ASIC2: variants seen among roughly 807,000 people sequenced by gnomAD.
ASIC2 encodes the protein acid sensing ion channel subunit 2.
A neutral mutation model predicts 57.3 loss-of-function variants in ASIC2; 25 were observed. The observed-to-expected ratio is 0.44, with a 90% CI of 0.32 to 0.61. ASIC2 has a LOEUF of 0.61. Ranked by LOEUF, ASIC2 falls within the 20% of genes least tolerant of loss-of-function variation. ASIC2 has a pLI of 0.06. For synonymous variants in ASIC2, 319 were observed against 307.5 expected (o/e 1.04, Z -0.39); for missense variants, 641 against 738.1 (o/e 0.87, Z 1.52).
chr17:33,678,255 A>ATT (rs1460107253), intron 1 of ASIC2, among the ~76,000 whole-genome samples: 1 of 152,158 alleles, frequency 6.6e-6, no homozygotes, highest in East Asian at 1.9e-4. Context: ...TGTAAATGCA[A>ATT]TTTTTATATA....
At chr17:33,266,224 A>C (rs976479273) in intron 1 of ASIC2, among the ~76,000 whole-genome samples, 2 of 152,122 alleles carry the variant, frequency 1.3e-5, no homozygotes, top group African/African-American at 4.8e-5. Context: ...TATACAACAC[A>C]CATGTGTTTT....
chr17:34,005,624 C>T (rs1480233312), intron 1 of ASIC2: 1 of 152,264 alleles, frequency 6.6e-6, no homozygotes, highest in African/African-American at 2.4e-5. Flanking sequence ...GGCCACCATT[C>T]ATATAGATCC....
At chr17:33,718,198 A>G (rs750624861) in intron 1 of ASIC2, among the ~76,000 whole-genome samples, 6 of 152,166 alleles carry the variant, frequency 3.9e-5, no homozygotes, top group Non-Finnish European at 5.9e-5. Context: ...CCCTAATACA[A>G]TGTAAATGCT....
At chr17:33,468,563 C>T (rs2141917602) in intron 1 of ASIC2, among the ~76,000 whole-genome samples, 1 of 152,108 alleles carries the variant, frequency 6.6e-6, no homozygotes, top group South Asian at 2.1e-4. Flanking sequence ...TTTCATGATA[C>T]TTTTTTTCCA....
intron 1 of ASIC2, among the ~76,000 whole-genome samples, chr17:33,143,041 G>T (rs975441799): frequency 7.2e-5 from 11 of 152,174 alleles, no homozygotes; most frequent in Non-Finnish European, 1.5e-4. Context: ...AAGAAAACAT[G>T]GGTCCCAGGG....
intron 1 of ASIC2, among the ~76,000 whole-genome samples, chr17:34,130,967 G>A (rs1366420652): frequency 2.0e-5 from 3 of 152,250 alleles, no homozygotes; most frequent in Middle Eastern, 3.4e-3. Flanking sequence ...GGGAGAGATC[G>A]AGAAAGCCTT....
chr17:33,607,113 G>A (rs949397857), intron 1 of ASIC2, among the ~76,000 whole-genome samples: 1 of 152,090 alleles, frequency 6.6e-6, no homozygotes, highest in Non-Finnish European at 1.5e-5. Flanking sequence ...ACTCCTGATC[G>A]GGAGGAGCAT....
chr17:33,036,512 C>A (rs2091909130), intron 3 of ASIC2, among the ~76,000 whole-genome samples: 1 of 152,112 alleles, frequency 6.6e-6, no homozygotes, highest in South Asian at 2.1e-4. Context: ...CTCACTGCAA[C>A]CTTGAACTCC....
intron 1 of ASIC2, among the ~76,000 whole-genome samples, chr17:34,099,966 G>C (rs1910800235): frequency 6.6e-6 from 1 of 152,042 alleles, no homozygotes; most frequent in African/African-American, 2.4e-5. Context: ...GGAAAGCAAA[G>C]GGAATTCCCA....
At chr17:33,866,004 C>T (rs1567739227) in intron 1 of ASIC2, among the ~76,000 whole-genome samples, 1 of 152,098 alleles carries the variant, frequency 6.6e-6, no homozygotes, top group Non-Finnish European at 1.5e-5. Context: ...TATAATGAAT[C>T]ATACACTGTA....
chr17:34,063,918 T>G (rs751549676), intron 1 of ASIC2, among the ~76,000 whole-genome samples: 8 of 151,978 alleles, frequency 5.3e-5, no homozygotes, highest in Non-Finnish European at 1.2e-4. Flanking sequence ...CATGGATGGG[T>G]AGAATCAATA....
At chr17:33,505,277 C>T (rs1012841996) in intron 1 of ASIC2, among the ~76,000 whole-genome samples, 1 of 151,952 alleles carries the variant, frequency 6.6e-6, no homozygotes, top group African/African-American at 2.4e-5. Context: ...GGCAAGAGTC[C>T]AGTGCTCTGG....
rs1597858883 is a variant in ASIC2, at chr17:33,744,878, A to T, written c.555+411100T>A. On this transcript the variant is annotated intron_variant, in intron 1 of 9. Coordinates refer to the ASIC2 transcript ENST00000359872. ...ATTATAAAAAAAGAAACAAGTGGAA[A>T]TTCTGGAGTTGAAAACCAAATCAAC... Among the ~76,000 whole-genome samples the T allele has an allele frequency of 2.6e-5, 4 of 152,368 alleles. 1 individual carries two copies. The highest frequency in any genetic ancestry group is 9.6e-5 in the African/African-American group (4 of 41,588).
intron 1 of ASIC2, among the ~76,000 whole-genome samples, chr17:34,050,082 T>G (rs972050694): frequency 2.6e-5 from 4 of 152,202 alleles, no homozygotes; most frequent in African/African-American, 9.7e-5. Context: ...AACAATATTA[T>G]ACTCTGATCC....
chr17:33,041,300 T>C (rs2091928964), intron 3 of ASIC2, among the ~76,000 whole-genome samples: 1 of 152,230 alleles, frequency 6.6e-6, no homozygotes, highest in Non-Finnish European at 1.5e-5. Flanking sequence ...GCACAGTGTT[T>C]ACATGCGTTT....
Position 33,017,741 on chromosome 17 carries a change from G to C in ASIC2, c.1442-57C>G, listed in dbSNP as rs1045673563. The C allele has an allele frequency of 1.2e-5, 19 of 1,520,400 alleles. No homozygotes were observed. In the African/African-American group the frequency reaches 2.6e-4, roughly 21 times the overall value. The allele number at this position is 1,520,400 out of a possible 1,614,324, so 94.2% of individuals were successfully genotyped here. ...CTTTTATGCAGCTTCCAGGAAGGGT[G>C]AACAGACTGAGATGCAACCCAGACC... On this transcript the variant is annotated intron_variant, in intron 7 of 9. Transcript: ENST00000225823.
At chr17:33,256,341 A>G (rs1419940084) in intron 1 of ASIC2, among the ~76,000 whole-genome samples, 2 of 152,228 alleles carry the variant, frequency 1.3e-5, no homozygotes, top group Non-Finnish European at 2.9e-5. Flanking sequence ...GTAGAATATG[A>G]GCCCAGTGTG....
intron 1 of ASIC2, among the ~76,000 whole-genome samples, chr17:33,241,827 C>A (rs1908516773): frequency 1.3e-5 from 2 of 152,284 alleles, no homozygotes; most frequent in South Asian, 4.1e-4. Context: ...GGAGACACAG[C>A]CAAGCCACAA....
At chr17:33,401,061 A>C (rs140323934) in intron 1 of ASIC2, among the ~76,000 whole-genome samples, 115 of 152,284 alleles carry the variant, frequency 7.6e-4, no homozygotes, top group African/African-American at 2.6e-3. Context: ...TGGCCATGTG[A>C]ATGACATCGC....
Sources: allele counts gnomAD v4.1 joint callset (sites outside exome capture counted in the v4.1 genomes callset), GRCh38; gene constraint gnomAD v4.1.1; transcripts MANE v1.5; gene names NCBI Gene and HGNC (gene_info 2026-07-23, HGNC 2026-07-21).